KAZN: variants seen among roughly 807,000 people sequenced by gnomAD.
KAZN encodes kazrin.
In KAZN, 40 loss-of-function variants were observed where a neutral mutation model predicts 87.4. The ratio of observed to expected loss-of-function variants is 0.46; its 90% CI spans 0.36 to 0.60. The LOEUF (loss-of-function observed/expected upper bound fraction) is 0.60, where lower values mean the gene tolerates loss of function less well. Ranked by LOEUF, KAZN falls within the 20% of genes least tolerant of loss-of-function variation. The probability of loss-of-function intolerance (pLI) is 0.00; values close to 1 mark genes in which losing one functional copy is unlikely to be tolerated. For missense variants in KAZN, 898 were observed against 1,073.9 expected (o/e 0.84, Z 2.29); for synonymous variants, 466 against 458.3 (o/e 1.02, Z -0.22).
intron 2 of KAZN, among the ~76,000 whole-genome samples, chr1:14,228,923 C>T (rs1180380092): frequency 1.3e-5 from 2 of 152,204 alleles, no homozygotes; most frequent in Non-Finnish European, 2.9e-5. Flanking sequence ...CTCTGGTCTG[C>T]ATTCCCAGAA....
At position 14,773,939 on chromosome 1, in the gene KAZN, T is replaced by C. The variant is rs1352402612; in HGVS notation, c.226+174716T>C. On this transcript the variant is annotated intron_variant, in intron 1 of 14. Coordinates refer to ENST00000376030, the MANE Select transcript of KAZN (RefSeq NM_201628.3). This position sits in a 1 kb window ranked among gnomAD's most constrained non-coding sequence, Gnocchi z 5.9. Reference sequence around the variant, plus strand: ...TCAACACTAATTAGAAAAAAGTGGTTCTCACCGCCAAAGCCCTCCAGCCCA... The same window carrying C: ...TCAACACTAATTAGAAAAAAGTGGTCCTCACCGCCAAAGCCCTCCAGCCCA... 3.3e-5 allele frequency among the ~76,000 whole-genome samples: 5 copies of C among 152,182 alleles called. No homozygotes were observed. Among genetic ancestry groups the C allele is most frequent in the African/African-American group, 1.2e-4 (5 of 41,440 alleles).
At chr1:14,103,833 G>A (rs1644311100) in intron 1 of KAZN, among the ~76,000 whole-genome samples, 1 of 152,090 alleles carries the variant, frequency 6.6e-6, no homozygotes, top group African/African-American at 2.4e-5. Flanking sequence ...ATATGCACAG[G>A]TTCCGGGGAT....
At chr1:14,467,333 A>T (rs181411722) in intron 2 of KAZN, among the ~76,000 whole-genome samples, 55 of 91,942 alleles carry the variant, frequency 6.0e-4, no homozygotes, top group African/African-American at 2.0e-3. Flanking sequence ...AATATATTAT[A>T]AAAAAAAAAC....
In KAZN at chr1:14,348,178, G is replaced by A. The variant is rs377063176; in HGVS notation, c.249+167586G>A. Among the ~76,000 whole-genome samples, 248 of 150,652 alleles carry A rather than the reference G, an allele frequency of 1.6e-3. 1 individual carries two copies. Among genetic ancestry groups the A allele is most frequent in the South Asian group, 0.011 (52 of 4,784 alleles). On this transcript the variant is annotated intron_variant, in intron 2 of 16. Transcript: ENST00000636203. ...TGATGCTCCTGCCTCAGCCTCCCAC[G>A]TAGCTGGGATTACAGGCACACGCCA...
At chr1:14,660,469 T>G (rs546072818) in intron 1 of KAZN, among the ~76,000 whole-genome samples, 1 of 152,176 alleles carries the variant, frequency 6.6e-6, no homozygotes, top group Non-Finnish European at 1.5e-5. Context: ...TCACAGATCT[T>G]TTGCACCCAT....
chr1:13,958,382 A>G (rs1474854843), intron 1 of KAZN, among the ~76,000 whole-genome samples: 2 of 152,018 alleles, frequency 1.3e-5, no homozygotes, highest in African/African-American at 2.4e-5. Context: ...CATCCTGGCT[A>G]ACACGGTGAA....
At chr1:14,287,207 T>C (rs1041760314) in intron 2 of KAZN, among the ~76,000 whole-genome samples, 4 of 152,192 alleles carry the variant, frequency 2.6e-5, no homozygotes, top group African/African-American at 7.2e-5. Context: ...TTACATTTTA[T>C]GACAGATACT....
intron 8 of KAZN, chr1:15,067,824 G>C (rs1639318646): frequency 1.0e-6 from 1 of 983,918 alleles, no homozygotes; most frequent in African/African-American, 1.8e-5. Flanking sequence ...TTTCTCTACG[G>C]AGACAGATTT....
At chr1:14,448,678 G>C in intron 2 of KAZN, among the ~76,000 whole-genome samples, 1 of 152,168 alleles carries the variant, frequency 6.6e-6, no homozygotes, top group Non-Finnish European at 1.5e-5. Context: ...ATTGGCACAG[G>C]AATGGCCCTG....
chr1:15,058,034 C>T (rs568713436), intron 5 of KAZN, among the ~76,000 whole-genome samples: 29 of 152,234 alleles, frequency 1.9e-4, no homozygotes, highest in Non-Finnish European at 2.1e-4. Flanking sequence ...ACCCCCTCCT[C>T]CAGGAAGCCT....
chr1:14,665,579 T>G (rs1639482520), intron 1 of KAZN, among the ~76,000 whole-genome samples: 1 of 152,088 alleles, frequency 6.6e-6, no homozygotes, highest in South Asian at 2.1e-4. Flanking sequence ...GTGGCGTGGT[T>G]GAGGGCACAG....
intron 1 of KAZN, among the ~76,000 whole-genome samples, chr1:13,960,069 C>T (rs1197077945): frequency 1.3e-5 from 2 of 149,840 alleles, no homozygotes; most frequent in Non-Finnish European, 3.0e-5. Flanking sequence ...ACAAAGGGTA[C>T]AGTCTAATGG....
chr1:14,152,282 G>A (rs12039315), intron 1 of KAZN, among the ~76,000 whole-genome samples: 41,296 of 151,880 alleles, frequency 0.27, 6,985 homozygotes, highest in East Asian at 0.59. Flanking sequence ...ATTCTTTCAA[G>A]CCATTTTTTC....
chr1:14,614,647 G>A (rs761348073), intron 1 of KAZN, among the ~76,000 whole-genome samples: 13 of 152,206 alleles, frequency 8.5e-5, no homozygotes, highest in African/African-American at 2.7e-4. Context: ...GGACTTTTCC[G>A]TTCATGGTGT....
rs35723980 is a variant in KAZN at position 14,774,468 on chromosome 1, ATTTT to A, written c.226+175262_226+175265del. 3.7e-3 allele frequency among the ~76,000 whole-genome samples: 486 copies of A among 131,234 alleles called. 2 individuals are homozygous for A. Among genetic ancestry groups the A allele is most frequent in the African/African-American group, 0.012 (413 of 34,060 alleles). The allele number at this position is 131,234 out of a possible 152,430, so 86.1% of individuals were successfully genotyped here. On this transcript the variant is annotated intron_variant, in intron 1 of 14. Coordinates refer to ENST00000376030, the MANE Select transcript of KAZN (RefSeq NM_201628.3). ...CTACCTTTTCTTGGTTCTTGAACAGATTTTTTTTTTTTTTTTTTTTGAGACAAGA... is the reference window on the plus strand; with the variant it reads ...CTACCTTTTCTTGGTTCTTGAACAGATTTTTTTTTTTTTTTTGAGACAAGA...
chr1:14,195,844 C>T (rs997678610), intron 2 of KAZN, among the ~76,000 whole-genome samples: 2 of 152,066 alleles, frequency 1.3e-5, no homozygotes, highest in African/African-American at 4.8e-5. Flanking sequence ...TCCCAGTCTT[C>T]CTGGAGCTTA....
chr1:14,684,289 T>C (rs1557887763), intron 1 of KAZN, among the ~76,000 whole-genome samples: 1 of 152,158 alleles, frequency 6.6e-6, no homozygotes, highest in East Asian at 1.9e-4. Flanking sequence ...ACTTGATTGG[T>C]ATTAGGGTTG....
chr1:14,961,283 C>T (rs1002780417), intron 2 of KAZN, among the ~76,000 whole-genome samples: 28 of 152,314 alleles, frequency 1.8e-4, no homozygotes, highest in South Asian at 2.1e-4. Flanking sequence ...GTGTCCCATG[C>T]GTCCCTCTTG....
intron 1 of KAZN, among the ~76,000 whole-genome samples, chr1:14,736,299 G>GTGTGTGTGTGTGTGTGTGTGTA (rs1214411509): frequency 8.3e-6 from 1 of 121,096 alleles, no homozygotes; most frequent in African/African-American, 3.3e-5. Flanking sequence ...GTGTGTGTGT[G>GTGTGTGTGTGTGTGTGTGTGTA]TATATTTTTT....
Sources: gnomAD v4.1 joint callset for allele counts (sites outside exome capture counted in the v4.1 genomes callset) on GRCh38, gnomAD v4.1.1 for gene constraint, Gnocchi (gnomAD v3.1) non-coding constraint, MANE v1.5 for transcripts, NCBI Gene and HGNC (gene_info 2026-07-23, HGNC 2026-07-21) for gene names.